Variants in SEMA3D observed in about 807,000 individuals in gnomAD.
The protein encoded by SEMA3D is semaphorin-3D.
Under a neutral mutation model 100.1 loss-of-function variants are expected in SEMA3D, and 84 were observed. The ratio of observed to expected loss-of-function variants is 0.84; its 90% CI spans 0.70 to 1.01. The LOEUF (loss-of-function observed/expected upper bound fraction) is 1.01. Among genes scored for constraint, SEMA3D ranks in the 50% least tolerant of loss-of-function variants. The pLI, the probability that SEMA3D is intolerant of heterozygous loss-of-function variation, is 0.00. For synonymous variants in SEMA3D, 312 were observed against 320.7 expected, an observed-to-expected ratio of 0.97 and a Z score of 0.29; for missense variants, 875 against 934.1, an observed-to-expected ratio of 0.94 and a Z score of 0.82.
chr7:85,227,807 T>C, the SEMA3D span, among the ~76,000 whole-genome samples: 3 of 152,260 alleles, frequency 2.0e-5, no homozygotes, highest in African/African-American at 7.2e-5. Context: ...AGTTGGACCT[T>C]ATTAATCATA....
intron 9 of SEMA3D, among the ~76,000 whole-genome samples, chr7:85,047,793 A>G (rs1362181867): frequency 2.0e-5 from 3 of 151,908 alleles, no homozygotes; most frequent in Admixed American, 6.6e-5. Flanking sequence ...ACTTTAAAAA[A>G]TAGTTGATGC....
chr7:85,245,197 C>T, the SEMA3D span, among the ~76,000 whole-genome samples: 3 of 151,978 alleles, frequency 2.0e-5, no homozygotes, highest in Non-Finnish European at 2.9e-5. Flanking sequence ...AATTCAAAAT[C>T]GTAAGGTTGG....
At chr7:85,007,913 T>C (rs1033134817) in intron 17 of SEMA3D, among the ~76,000 whole-genome samples, 6 of 151,794 alleles carry the variant, frequency 4.0e-5, no homozygotes, top group African/African-American at 1.4e-4. Context: ...GTTAGGCTTC[T>C]TTTCAAGAAA....
chr7:85,026,631 T>C (rs1366460716), intron 12 of SEMA3D, among the ~76,000 whole-genome samples: 1 of 152,080 alleles, frequency 6.6e-6, no homozygotes, highest in East Asian at 1.9e-4. Context: ...TATTTTTGAA[T>C]TACATTTTTT....
At chr7:85,011,851 A>G (rs934360269) in intron 17 of SEMA3D, among the ~76,000 whole-genome samples, 5 of 151,760 alleles carry the variant, frequency 3.3e-5, no homozygotes, top group Admixed American at 2.0e-4. Context: ...CCAGACCACC[A>G]GTTATAGATT....
rs138030170 is a variant in SEMA3D at position 85,034,890 on chromosome 7, C to T, written c.1191+1999G>A. On this transcript the variant is annotated intron_variant, in intron 12 of 18. Transcript: ENST00000284136. ...TAGTGGTAATGCAAAATGGTACTGC[C>T]ACTATGGAAAACAGTGTGGCAGTTC... is the stretch of plus-strand genomic sequence containing the variant. Among the ~76,000 whole-genome samples the T allele has an allele frequency of 1.5e-3, 221 of 152,122 alleles. 1 individual carries two copies. The highest frequency in any genetic ancestry group is 6.8e-3 in the Middle Eastern group (2 of 294).
upstream of SEMA3D, among the ~76,000 whole-genome samples, chr7:85,188,303 C>T (rs1791617181): frequency 6.6e-6 from 1 of 152,292 alleles, no homozygotes; most frequent in Non-Finnish European, 1.5e-5. Flanking sequence ...TCTCATGCTG[C>T]CCCATCTCTA....
At chr7:85,046,749 A>G (rs148210713) in intron 9 of SEMA3D, among the ~76,000 whole-genome samples, 1 of 152,060 alleles carries the variant, frequency 6.6e-6, no homozygotes, top group Non-Finnish European at 1.5e-5. Flanking sequence ...ATTTGTTTGC[A>G]TATCCACACA....
chr7:85,141,306 T>C (rs914952053), intron 2 of SEMA3D: 1 of 983,704 alleles, frequency 1.0e-6, no homozygotes, highest in African/African-American at 1.7e-5. Context: ...AATTTTAACA[T>C]TGTCAAAAAC....
chr7:85,046,236 AG>A lies in SEMA3D; in HGVS notation c.862-3952del, dbSNP rs1791005813. Among the ~76,000 whole-genome samples the A allele has an allele frequency of 2.0e-5, 3 of 152,094 alleles. No homozygotes were observed. In the South Asian group the frequency reaches 6.2e-4, roughly 31 times the overall value. ...TCTTTTAAACATTTTACTATGTAAA[AG>A]TGATAATAAATGTTCATTTTCAAAC... On this transcript the variant is annotated intron_variant, in intron 9 of 18. Transcript: ENST00000284136.
chr7:85,181,814 T>C (rs1791417720), intron 1 of SEMA3D: 1 of 951,402 alleles, frequency 1.1e-6, no homozygotes, highest in African/African-American at 1.8e-5. Context: ...ACCTGGTTGA[T>C]GGCTGTTAAA....
intron 5 of SEMA3D, among the ~76,000 whole-genome samples, chr7:85,076,925 T>C (rs910531792): frequency 1.3e-5 from 2 of 151,988 alleles, no homozygotes; most frequent in African/African-American, 2.4e-5. Flanking sequence ...GAATTTTCTC[T>C]ACTAAAAATA....
rs1441923570 is a variant in SEMA3D at position 85,122,113 on chromosome 7, CA to C, written c.-40-183del. On this transcript the variant is annotated intron_variant, in intron 2 of 18. Coordinates refer to ENST00000284136, the MANE Select transcript of SEMA3D (RefSeq NM_001384900.1). ...GGGCTGGGGGCTGGGGGAGGGAGAG[CA>C]TTAGGAGAAATACCTAATGTAGATG... Among the ~76,000 whole-genome samples, 7 of 151,566 alleles carry C rather than the reference CA, an allele frequency of 4.6e-5. No individual in the cohort carries two copies. In the East Asian group the frequency reaches 1.4e-3, roughly 30 times the overall value.
intron 16 of SEMA3D, among the ~76,000 whole-genome samples, chr7:85,013,497 G>A (rs924000598): frequency 6.6e-6 from 1 of 151,560 alleles, no homozygotes; most frequent in African/African-American, 2.4e-5. Flanking sequence ...TTAAAAGAAA[G>A]GAGTAATTAT....
intron 3 of SEMA3D, 48 bp downstream of exon 3, chr7:85,121,693 A>G (rs762030554): frequency 1.9e-6 from 2 of 1,057,924 alleles, no homozygotes; most frequent in East Asian, 5.8e-5. Flanking sequence ...ATCAAAAAAG[A>G]CATTTCAAAA....
At chr7:85,224,424 C>T in the SEMA3D span, among the ~76,000 whole-genome samples, 1 of 152,122 alleles carries the variant, frequency 6.6e-6, no homozygotes, top group Non-Finnish European at 1.5e-5. Context: ...GACTGCATCA[C>T]ATCATTTGTT....
At chr7:85,078,241 A>G (rs1473111639) in intron 5 of SEMA3D, among the ~76,000 whole-genome samples, 1 of 152,080 alleles carries the variant, frequency 6.6e-6, no homozygotes, top group East Asian at 1.9e-4. Context: ...ACTTTCTACA[A>G]TGAACATTCT....
intron 1 of SEMA3D, among the ~76,000 whole-genome samples, chr7:85,170,428 C>T (rs1308133885): frequency 6.6e-6 from 1 of 151,746 alleles, no homozygotes. Flanking sequence ...GGGAACAACA[C>T]AACAATCATT....
intron 5 of SEMA3D, 25 bp downstream of exon 5, chr7:85,081,492 A>G (rs745785276): frequency 3.6e-5 from 54 of 1,493,210 alleles, no homozygotes; most frequent in Non-Finnish European, 4.9e-5. Context: ...TTTTACAAAG[A>G]TAATTGTTAC....
Sources: gnomAD v4.1 joint callset for allele counts (sites outside exome capture counted in the v4.1 genomes callset) on GRCh38, gnomAD v4.1.1 for gene constraint, MANE v1.5 for transcripts, NCBI Gene and HGNC (gene_info 2026-07-23, HGNC 2026-07-21) for gene names.